RANBP2: variants seen among roughly 807,000 people sequenced by gnomAD.
The protein encoded by RANBP2 is E3 SUMO-protein ligase RanBP2.
Under a neutral mutation model 303.6 loss-of-function variants are expected in RANBP2, and 57 were observed. The ratio of observed to expected loss-of-function variants is 0.19; its 90% CI spans 0.15 to 0.23. The LOEUF is 0.23. RANBP2 is among the 10% of genes least tolerant of loss of function. The pLI is 1.00. For synonymous variants in RANBP2, 1,167 were observed against 1,301.5 expected (o/e 0.90, Z 2.23); for missense variants, 3,138 against 3,780.8 (o/e 0.83, Z 4.46).
chr2:108,936,836 G>C, the RANBP2 span, among the ~76,000 whole-genome samples: 5 of 152,226 alleles, frequency 3.3e-5, no homozygotes, highest in Non-Finnish European at 5.9e-5. Context: ...GGAGCAGGAG[G>C]AAAGCAGAGA....
At chr2:109,229,688 A>G in the RANBP2 span, among the ~76,000 whole-genome samples, 1 of 152,192 alleles carries the variant, frequency 6.6e-6, no homozygotes, top group South Asian at 2.1e-4. Flanking sequence ...AAAATAAGAC[A>G]TGGTGACTAC....
chr2:109,370,019 G>C, the RANBP2 span, among the ~76,000 whole-genome samples: 4 of 152,182 alleles, frequency 2.6e-5, no homozygotes, highest in African/African-American at 9.7e-5. Context: ...TCACACATGG[G>C]CCAGCTGGTC....
the RANBP2 span, among the ~76,000 whole-genome samples, chr2:109,324,599 G>T: frequency 6.6e-6 from 1 of 152,212 alleles, no homozygotes; most frequent in African/African-American, 2.4e-5. Flanking sequence ...ACTAATATTT[G>T]CAAAGTGCTA....
intron 27 of RANBP2, 52 bp from the exon 28 acceptor site, chr2:108,782,476 T>A: frequency 6.2e-7 from 1 of 1,613,434 alleles, no homozygotes; most frequent in Non-Finnish European, 8.5e-7. Context: ...AAACAACTTA[T>A]AACAGTTATT....
the RANBP2 span, among the ~76,000 whole-genome samples, chr2:108,807,889 C>G: frequency 6.6e-6 from 1 of 152,174 alleles, no homozygotes; most frequent in Non-Finnish European, 1.5e-5. Flanking sequence ...GATTACAGGC[C>G]TGAGCCACTG....
chr2:109,656,336 G>GT, the RANBP2 span, among the ~76,000 whole-genome samples: 1 of 150,462 alleles, frequency 6.6e-6, no homozygotes, highest in Non-Finnish European at 1.5e-5. Flanking sequence ...AAATTCTGGG[G>GT]TTTTTTTGTT....
At position 108,762,117 on chromosome 2, in the gene RANBP2, T is replaced by G; in HGVS notation, c.2619T>G (p.Pro873=). The change falls in exon 19 of 29, where the codon CCT becomes CCG. Residue 873 remains proline, a synonymous_variant. Transcript: ENST00000283195. ...TTTTTTTAGTTGCAACTACTGGCCCTTCAGTATATTATAGTCAGTCACCAG... is the reference window on the plus strand; with the variant it reads ...TTTTTTTAGTTGCAACTACTGGCCCGTCAGTATATTATAGTCAGTCACCAG... ...GAPLTVATTG[P]SVYYSQSPAY... is the part of the protein sequence containing the mutation. 6.3e-7 allele frequency: 1 copy of G among 1,596,484 alleles called. No individual in the cohort carries two copies. The highest frequency in any genetic ancestry group is 8.5e-7 in the Non-Finnish European group (1 of 1,179,296).
At chr2:109,136,650 C>T in the RANBP2 span, among the ~76,000 whole-genome samples, 1 of 152,160 alleles carries the variant, frequency 6.6e-6, no homozygotes, top group African/African-American at 2.4e-5. Flanking sequence ...CAAGAAGAGT[C>T]ACTGCGCTCT....
At chr2:108,807,692 A>T in the RANBP2 span, among the ~76,000 whole-genome samples, 1 of 152,090 alleles carries the variant, frequency 6.6e-6, no homozygotes, top group East Asian at 1.9e-4. Flanking sequence ...ATCTCGGCTC[A>T]CTGCAACCTC....
chr2:109,474,294 G>A, the RANBP2 span, among the ~76,000 whole-genome samples: 1 of 152,166 alleles, frequency 6.6e-6, no homozygotes, highest in Admixed American at 6.5e-5. Context: ...TTTTGAGCCG[G>A]ACAGTTAGTT....
the RANBP2 span, among the ~76,000 whole-genome samples, chr2:109,639,716 A>AG: frequency 7.3e-5 from 11 of 151,668 alleles, no homozygotes; most frequent in South Asian, 1.7e-3. Context: ...TAACAATACT[A>AG]GATTTTTTTT....
chr2:109,295,660 C>A, the RANBP2 span, among the ~76,000 whole-genome samples: 1 of 147,582 alleles, frequency 6.8e-6, no homozygotes, highest in Non-Finnish European at 1.5e-5. Context: ...AGGACAGGGG[C>A]CTGCTGCCTG....
At chr2:109,061,125 G>GT in the RANBP2 span, among the ~76,000 whole-genome samples, 1 of 152,116 alleles carries the variant, frequency 6.6e-6, no homozygotes, top group Admixed American at 6.5e-5. Flanking sequence ...AGGATGTAAA[G>GT]TTTGTAGGTC....
At chr2:109,414,530 A>G in the RANBP2 span, among the ~76,000 whole-genome samples, 1 of 152,140 alleles carries the variant, frequency 6.6e-6, no homozygotes, top group Non-Finnish European at 1.5e-5. Flanking sequence ...CACAGACGCC[A>G]TCTTGGCTAC....
At chr2:108,812,611 T>G in the RANBP2 span, 1 of 1,587,898 alleles carries the variant, frequency 6.3e-7, no homozygotes, top group African/African-American at 1.3e-5. Flanking sequence ...TTGAAATATC[T>G]AACTTTTTCT....
chr2:108,968,071 G>A, the RANBP2 span, among the ~76,000 whole-genome samples: 6 of 152,154 alleles, frequency 3.9e-5, 1 homozygote, highest in Non-Finnish European at 8.8e-5. Flanking sequence ...TCAGTCCCAG[G>A]CCCTGGGATG....
At chr2:109,744,427 AT>A in the RANBP2 span, among the ~76,000 whole-genome samples, 144 of 97,596 alleles carry the variant, frequency 1.5e-3, 1 homozygote, top group African/African-American at 3.6e-3. Flanking sequence ...CTTTTGAGAA[AT>A]TTTTTTTTTT....
Position 108,772,576 on chromosome 2 carries a change from C to T in RANBP2, c.8108C>T (p.Thr2703Ile), listed in dbSNP as rs757250180. Residue 2703 changes from threonine to isoleucine, a missense_variant, in exon 22 of 29, where the codon ACA (threonine) becomes ATA (isoleucine). Around this residue, in one of 20 missense-constraint regions of RANBP2, gnomAD observed 497 missense variants for 465.8 expected, o/e 1.07. Coordinates refer to ENST00000283195, the MANE Select transcript of RANBP2 (RefSeq NM_006267.5). ...SEKCRPLEENTADNEKECIIV... is the reference protein window; with the variant it reads ...SEKCRPLEENIADNEKECIIV... ...AAATGTAGACCCTTGGAAGAAAATACAGCAGGTATGTTAAGTGTAAAGGAC... is the reference window on the plus strand; with the variant it reads ...AAATGTAGACCCTTGGAAGAAAATATAGCAGGTATGTTAAGTGTAAAGGAC... The T allele has an allele frequency of 1.9e-6, 3 of 1,612,780 alleles. No homozygotes were observed. The highest frequency in any genetic ancestry group is 2.7e-5 in the African/African-American group (2 of 74,896).
At chr2:109,088,035 C>T in the RANBP2 span, among the ~76,000 whole-genome samples, 32,580 of 151,946 alleles carry the variant, frequency 0.21, 4,977 homozygotes, top group East Asian at 0.64. Context: ...GAGGCCAAGG[C>T]GGGCGGATCA....
Sources: gnomAD v4.1 joint callset for allele counts (sites outside exome capture counted in the v4.1 genomes callset) on GRCh38, gnomAD v4.1.1 for gene constraint, gnomAD v4.1.1 regional missense constraint, MANE v1.5 for transcripts, NCBI Gene and HGNC (gene_info 2026-07-23, HGNC 2026-07-21) for gene names.